Variants in LRRIQ3 observed in about 807,000 individuals in gnomAD.
LRRIQ3 encodes the protein leucine-rich repeat and IQ domain-containing protein 3.
Under a neutral mutation model 59.3 loss-of-function variants are expected in LRRIQ3, and 75 were observed. The observed-to-expected ratio is 1.26, with a 90% CI of 1.05 to 1.53. The LOEUF (loss-of-function observed/expected upper bound fraction) is 1.53. Among genes scored for constraint, LRRIQ3 ranks in the 40% most tolerant of loss-of-function variants. The pLI is 0.00. For missense variants in LRRIQ3, 831 were observed against 710.0 expected, an observed-to-expected ratio of 1.17 and a Z score of -1.94; for synonymous variants, 250 against 231.3, an observed-to-expected ratio of 1.08 and a Z score of -0.73.
chr1:74,134,621 G>T (rs1437149026), intron 4 of LRRIQ3, among the ~76,000 whole-genome samples: 1 of 151,866 alleles, frequency 6.6e-6, no homozygotes, highest in East Asian at 1.9e-4. Flanking sequence ...GCAAAGGAAG[G>T]TAGAGGGATT....
In LRRIQ3 at chr1:74,026,061, G is replaced by A. The variant is rs1278109309; in HGVS notation, c.*752C>T. ...TTTATTTTTCAAATTTTCTACCATT[G>A]GTATGTATTAAACAGACTTATGGTT... On this transcript the variant is annotated 3_prime_UTR_variant, in exon 8 of 8. Coordinates refer to ENST00000354431, the MANE Select transcript of LRRIQ3 (RefSeq NM_001105659.2). 1 of 151,658 alleles carries A rather than the reference G, an allele frequency of 6.6e-6. No individual in the cohort carries two copies. The highest frequency in any genetic ancestry group is 1.5e-5 in the Non-Finnish European group (1 of 67,832). The allele number at this position is 151,658 out of a possible 1,614,324, so 9.4% of individuals were successfully genotyped here.
intron 3 of LRRIQ3, among the ~76,000 whole-genome samples, chr1:74,158,262 A>T (rs1485667131): frequency 6.6e-6 from 1 of 152,172 alleles, no homozygotes; most frequent in Non-Finnish European, 1.5e-5. Context: ...CTATTGCTAG[A>T]TTGAGCATTC....
At chr1:74,136,770 C>A (rs887181752) in intron 4 of LRRIQ3, among the ~76,000 whole-genome samples, 5 of 151,860 alleles carry the variant, frequency 3.3e-5, no homozygotes, top group Non-Finnish European at 7.4e-5. Flanking sequence ...CCTTAGCATT[C>A]TTCATTCCTT....
chr1:74,045,454 C>T (rs545424072), intron 6 of LRRIQ3, among the ~76,000 whole-genome samples: 79 of 152,166 alleles, frequency 5.2e-4, no homozygotes, highest in Non-Finnish European at 7.9e-4. Flanking sequence ...ATTGATGGAA[C>T]GTATCTCAAA....
At chr1:74,071,247 A>G (rs1655020815) in intron 6 of LRRIQ3, among the ~76,000 whole-genome samples, 1 of 151,980 alleles carries the variant, frequency 6.6e-6, no homozygotes, top group Non-Finnish European at 1.5e-5. Context: ...ATCATAGCTC[A>G]CTGCAACCTG....
At chr1:74,197,006 A>C (rs1651208083) in intron 1 of LRRIQ3, among the ~76,000 whole-genome samples, 1 of 152,114 alleles carries the variant, frequency 6.6e-6, no homozygotes, top group African/African-American at 2.4e-5. Context: ...TCTCTCTCTG[A>C]CCTTCTCTCG....
intron 7 of LRRIQ3, among the ~76,000 whole-genome samples, chr1:74,030,856 T>C (rs1428088243): frequency 6.6e-6 from 1 of 152,178 alleles, no homozygotes; most frequent in Non-Finnish European, 1.5e-5. Context: ...TTTTGCAATC[T>C]ACTCATCTGA....
At position 74,041,997 on chromosome 1, in the gene LRRIQ3, C is replaced by A. The variant is rs1462174547; in HGVS notation, c.998-64G>T. ...AGCTAAGTACATTTTATTTTCTCTCCAAATATATCAATAAACTTGATAAGA... is the reference window on the plus strand; with the variant it reads ...AGCTAAGTACATTTTATTTTCTCTCAAAATATATCAATAAACTTGATAAGA... On this transcript the variant is annotated intron_variant, in intron 6 of 7. Coordinates refer to ENST00000354431, the MANE Select transcript of LRRIQ3 (RefSeq NM_001105659.2). The A allele has an allele frequency of 2.0e-5, 27 of 1,374,826 alleles. No individual in the cohort carries two copies. In the Middle Eastern group the frequency reaches 7.1e-4, roughly 36 times the overall value. The allele number at this position is 1,374,826 out of a possible 1,614,324, so 85.2% of individuals were successfully genotyped here. A position where few individuals can be genotyped will look rare whatever the true frequency, so the allele number is the denominator to read the frequency against.
chr1:74,149,359 T>A (rs1647778972), intron 4 of LRRIQ3, among the ~76,000 whole-genome samples: 1 of 152,200 alleles, frequency 6.6e-6, no homozygotes, highest in Non-Finnish European at 1.5e-5. Flanking sequence ...TTAATGTATG[T>A]ACAACTATTT....
At chr1:74,061,209 G>A (rs921694263) in intron 6 of LRRIQ3, among the ~76,000 whole-genome samples, 1 of 152,022 alleles carries the variant, frequency 6.6e-6, no homozygotes, top group Non-Finnish European at 1.5e-5. Context: ...GAAATACCTA[G>A]GAATACAGCT....
chr1:74,136,470 G>T (rs768106948), intron 4 of LRRIQ3, among the ~76,000 whole-genome samples: 1 of 151,834 alleles, frequency 6.6e-6, no homozygotes, highest in African/African-American at 2.4e-5. Context: ...TACCTCTCTG[G>T]AACCCTACTA....
At chr1:74,091,489 G>A (rs560855786) in intron 5 of LRRIQ3, among the ~76,000 whole-genome samples, 1 of 151,958 alleles carries the variant, frequency 6.6e-6, no homozygotes, top group East Asian at 1.9e-4. Flanking sequence ...ATATCTGCAG[G>A]AAAGAACAAA....
At chr1:74,123,828 G>T (rs530637569) in intron 4 of LRRIQ3, among the ~76,000 whole-genome samples, 1 of 152,096 alleles carries the variant, frequency 6.6e-6, no homozygotes, top group South Asian at 2.1e-4. Context: ...GTCCTTAGCA[G>T]TGGGAATGCT....
At chr1:74,055,244 T>C (rs1024832944) in intron 6 of LRRIQ3, among the ~76,000 whole-genome samples, 2 of 149,904 alleles carry the variant, frequency 1.3e-5, no homozygotes, top group African/African-American at 4.9e-5. Context: ...TATGATTCAG[T>C]GTTTTTCTGA....
At chr1:74,162,929 T>A (rs1343299147) in intron 3 of LRRIQ3, among the ~76,000 whole-genome samples, 1 of 151,580 alleles carries the variant, frequency 6.6e-6, no homozygotes, top group Admixed American at 6.6e-5. Flanking sequence ...AGTGTTTATA[T>A]CACTGCAAAA....
At chr1:74,062,754 A>G (rs1452991104) in intron 6 of LRRIQ3, among the ~76,000 whole-genome samples, 1 of 152,148 alleles carries the variant, frequency 6.6e-6, no homozygotes, top group Non-Finnish European at 1.5e-5. Context: ...CAAATACCAC[A>G]TGATATCACT....
intron 6 of LRRIQ3, among the ~76,000 whole-genome samples, chr1:74,071,471 A>C (rs1235033193): frequency 6.6e-6 from 1 of 152,186 alleles, no homozygotes; most frequent in East Asian, 1.9e-4. Context: ...GTAAACTCAT[A>C]ATCCTCACTA....
intron 5 of LRRIQ3, among the ~76,000 whole-genome samples, chr1:74,105,402 C>A (rs568510919): frequency 5.9e-4 from 89 of 151,950 alleles, no homozygotes; most frequent in African/African-American, 2.1e-3. Context: ...CAGGAGTATA[C>A]AATCATGCTC....
At chr1:74,132,286 T>A (rs562742275) in intron 4 of LRRIQ3, among the ~76,000 whole-genome samples, 1 of 152,236 alleles carries the variant, frequency 6.6e-6, no homozygotes, top group South Asian at 2.1e-4. Flanking sequence ...ATTGTGAAAA[T>A]GGCCATATTG....
Sources: gnomAD v4.1 joint callset for allele counts (sites outside exome capture counted in the v4.1 genomes callset) on GRCh38, gnomAD v4.1.1 for gene constraint, MANE v1.5 for transcripts, NCBI Gene and HGNC (gene_info 2026-07-23, HGNC 2026-07-21) for gene names.